RBFOX1: variants seen among roughly 807,000 people sequenced by gnomAD.
RBFOX1 encodes the protein RNA binding protein fox-1 homolog 1.
RBFOX1 carries 8 observed loss-of-function variants against 57.7 expected under a neutral mutation model. The ratio of observed to expected loss-of-function variants is 0.14; its 90% CI spans 0.08 to 0.25. RBFOX1 has a LOEUF of 0.25. Among genes scored for constraint, RBFOX1 ranks in the 10% least tolerant of loss-of-function variants. RBFOX1 has a pLI of 1.00. For missense variants in RBFOX1, 611 were observed against 548.5 expected (o/e 1.11, Z -1.14); for synonymous variants, 326 against 222.4 (o/e 1.47, Z -4.15).
intron 3 of RBFOX1, among the ~76,000 whole-genome samples, chr16:6,752,551 C>T (rs2075114700): frequency 6.6e-6 from 1 of 152,152 alleles, no homozygotes; most frequent in Non-Finnish European, 1.5e-5. Context: ...TTAGCGCATT[C>T]CTAAAGAATA....
intron 4 of RBFOX1, among the ~76,000 whole-genome samples, chr16:7,164,558 A>G (rs774292829): frequency 5.9e-5 from 9 of 152,190 alleles, no homozygotes; most frequent in Non-Finnish European, 7.3e-5. Context: ...TTTATATACT[A>G]TGTGTGAAAA....
chr16:6,009,765 G>C (rs1167959278), intron 4 of RBFOX1, among the ~76,000 whole-genome samples: 1 of 151,434 alleles, frequency 6.6e-6, no homozygotes, highest in Non-Finnish European at 1.5e-5. Context: ...TTCCTTATCA[G>C]GCATTTGGAA....
At chr16:7,191,641 G>T (rs1201387633) in intron 4 of RBFOX1, among the ~76,000 whole-genome samples, 1 of 152,174 alleles carries the variant, frequency 6.6e-6, no homozygotes, top group African/African-American at 2.4e-5. Context: ...TTTAAGCTAG[G>T]CATATCATTA....
chr16:7,346,164 T>A (rs1212727033), intron 4 of RBFOX1, among the ~76,000 whole-genome samples: 1 of 152,182 alleles, frequency 6.6e-6, no homozygotes, highest in African/African-American at 2.4e-5. Context: ...AACTCATCCT[T>A]TTTTATGGAT....
chr16:7,202,222 A>G (rs2088727052), intron 4 of RBFOX1, among the ~76,000 whole-genome samples: 1 of 152,068 alleles, frequency 6.6e-6, no homozygotes, highest in Non-Finnish European at 1.5e-5. Context: ...GATGCTCAAC[A>G]TCATTAATCA....
At chr16:6,993,192 G>C (rs2091777380) in intron 3 of RBFOX1, among the ~76,000 whole-genome samples, 1 of 151,616 alleles carries the variant, frequency 6.6e-6, no homozygotes. Context: ...AATCATTTGA[G>C]GCTGAATGGT....
At chr16:7,165,877 T>G (rs1209206758) in intron 4 of RBFOX1, among the ~76,000 whole-genome samples, 3 of 151,886 alleles carry the variant, frequency 2.0e-5, no homozygotes, top group Non-Finnish European at 2.9e-5. Context: ...TTTTTATTCT[T>G]GAATAGATAT....
At chr16:7,161,046 G>C (rs182097093) in intron 4 of RBFOX1, among the ~76,000 whole-genome samples, 2 of 151,998 alleles carry the variant, frequency 1.3e-5, no homozygotes, top group South Asian at 2.1e-4. Context: ...TTTTGGTTCA[G>C]GTTGTTCCCA....
At chr16:6,637,508 A>G (rs1233029707) in intron 2 of RBFOX1, among the ~76,000 whole-genome samples, 6 of 118,958 alleles carry the variant, frequency 5.0e-5, no homozygotes, top group African/African-American at 1.6e-4. Flanking sequence ...ATAATATTCT[A>G]TATAGTATAT....
At chr16:7,323,298 C>A (rs1011900508) in intron 4 of RBFOX1, among the ~76,000 whole-genome samples, 4 of 152,136 alleles carry the variant, frequency 2.6e-5, no homozygotes, top group Non-Finnish European at 5.9e-5. Context: ...CTGGTATGCA[C>A]CTGTAGTCCC....
At chr16:5,282,407 C>T (rs992814972) in intron 1 of RBFOX1, among the ~76,000 whole-genome samples, 1 of 152,110 alleles carries the variant, frequency 6.6e-6, no homozygotes, top group African/African-American at 2.4e-5. Context: ...GACTTTGGAA[C>T]TGGGAAACAG....
chr16:6,903,584 C>G (rs1331062754), intron 3 of RBFOX1, among the ~76,000 whole-genome samples: 1 of 152,116 alleles, frequency 6.6e-6, no homozygotes, highest in Non-Finnish European at 1.5e-5. Flanking sequence ...ATCACTTATC[C>G]CAGAAACTGG....
At chr16:7,414,103 C>G (rs868320188) in intron 4 of RBFOX1, among the ~76,000 whole-genome samples, 1 of 152,284 alleles carries the variant, frequency 6.6e-6, no homozygotes. Flanking sequence ...ACAAAGAAAC[C>G]AGAAAATCCC....
intron 2 of RBFOX1, among the ~76,000 whole-genome samples, chr16:5,595,672 C>G (rs1202462422): frequency 6.6e-6 from 1 of 152,194 alleles, no homozygotes; most frequent in Non-Finnish European, 1.5e-5. Flanking sequence ...AAAACCAGAA[C>G]AGTATCAGAC....
At chr16:7,488,976 A>G (rs899093047) in intron 4 of RBFOX1, among the ~76,000 whole-genome samples, 20 of 152,018 alleles carry the variant, frequency 1.3e-4, no homozygotes, top group African/African-American at 4.6e-4. Flanking sequence ...TCCATTATCT[A>G]TGCCTCTAAT....
At chr16:6,798,280 A>G (rs920274934) in intron 3 of RBFOX1, among the ~76,000 whole-genome samples, 2 of 152,150 alleles carry the variant, frequency 1.3e-5, no homozygotes, top group African/African-American at 4.8e-5. Flanking sequence ...TGCTTCCTGA[A>G]TCTGCATAGA....
intron 9 of RBFOX1, among the ~76,000 whole-genome samples, chr16:7,603,220 G>T (rs2095130280): frequency 6.6e-6 from 1 of 152,138 alleles, no homozygotes. Flanking sequence ...TTGAAGATTG[G>T]AAGGAGACAT....
intron 3 of RBFOX1, among the ~76,000 whole-genome samples, chr16:7,019,189 T>C (rs2094079550): frequency 6.6e-6 from 1 of 152,110 alleles, no homozygotes; most frequent in Admixed American, 6.6e-5. Flanking sequence ...GACACTAAAT[T>C]ATTTTATATA....
At chr16:6,579,441 G>T (rs1180540069) in intron 2 of RBFOX1, among the ~76,000 whole-genome samples, 1 of 152,104 alleles carries the variant, frequency 6.6e-6, no homozygotes, top group African/African-American at 2.4e-5. Context: ...ATGTGTCATG[G>T]GAGGGACCTG....
Sources: allele counts gnomAD v4.1 joint callset (sites outside exome capture counted in the v4.1 genomes callset), GRCh38; gene constraint gnomAD v4.1.1; transcripts MANE v1.5; gene names NCBI Gene and HGNC (gene_info 2026-07-23, HGNC 2026-07-21).